The following CHLSN variants were observed in gnomAD, a reference collection of about 807,000 sequenced individuals.
CHLSN encodes protein cholesin.
chr7:1,086,775 G>A, the CHLSN span: 2 of 154,648 alleles, frequency 1.3e-5, no homozygotes, highest in Admixed American at 1.3e-4. Context: ...GCCCACGCAG[G>A]TCTCTGAACC....
At chr7:998,924 A>C in the CHLSN span, among the ~76,000 whole-genome samples, 11 of 152,200 alleles carry the variant, frequency 7.2e-5, no homozygotes, top group Non-Finnish European at 1.5e-4. Context: ...ATTTTGAGTT[A>C]ATTTTTGCAT....
At chr7:1,110,812 T>TA in the CHLSN span, among the ~76,000 whole-genome samples, 85 of 137,076 alleles carry the variant, frequency 6.2e-4, no homozygotes, top group East Asian at 1.7e-3. Flanking sequence ...TAGAAGTGGT[T>TA]AAAAAAAAAA....
chr7:1,041,136 G>GGA, the CHLSN span, among the ~76,000 whole-genome samples: 45,397 of 149,654 alleles, frequency 0.3, 7,586 homozygotes, highest in Middle Eastern at 0.4. Context: ...AGAGACTGCA[G>GGA]GAGGGAGGGA....
chr7:981,836 T>C, the CHLSN span, among the ~76,000 whole-genome samples: 1 of 152,150 alleles, frequency 6.6e-6, no homozygotes, highest in Non-Finnish European at 1.5e-5. Context: ...GAGACCAGCC[T>C]GAGCAACGTA....
the CHLSN span, chr7:1,057,973 G>T: frequency 1.3e-6 from 1 of 771,100 alleles, no homozygotes; most frequent in Non-Finnish European, 2.4e-6. Context: ...TTCGTGTGGG[G>T]TGGCGCGCTG....
the CHLSN span, among the ~76,000 whole-genome samples, chr7:1,111,315 C>T: frequency 5.9e-5 from 9 of 152,230 alleles, no homozygotes; most frequent in African/African-American, 2.2e-4. Flanking sequence ...AGGGAGGACA[C>T]AGGGTAGCAG....
At chr7:983,197 A>G in the CHLSN span, 27 of 1,475,332 alleles carry the variant, frequency 1.8e-5, no homozygotes, top group Non-Finnish European at 2.3e-5. Flanking sequence ...GTGGAGCCTC[A>G]CCAGCCACGT....
the CHLSN span, among the ~76,000 whole-genome samples, chr7:1,008,296 T>C: frequency 0.66 from 99,543 of 151,960 alleles, 32,874 homozygotes; most frequent in Middle Eastern, 0.76. Context: ...TCTGAAGCCC[T>C]CTCTGTCTAC....
the CHLSN span, chr7:1,093,180 G>A: frequency 3.6e-6 from 2 of 556,422 alleles, no homozygotes; most frequent in Non-Finnish European, 7.1e-6. Flanking sequence ...TGCCGCTGCA[G>A]GAAACATTTC....
the CHLSN span, among the ~76,000 whole-genome samples, chr7:1,131,454 C>G: frequency 6.6e-6 from 1 of 152,210 alleles, no homozygotes; most frequent in Non-Finnish European, 1.5e-5. Flanking sequence ...GGGTTCCCCC[C>G]ATCCCACTCG....
At chr7:989,491 G>C in the CHLSN span, 1 of 153,418 alleles carries the variant, frequency 6.5e-6, no homozygotes, top group African/African-American at 2.4e-5. Flanking sequence ...GGCAAAAATG[G>C]AAACACTGAC....
At chr7:1,022,077 C>T in the CHLSN span, among the ~76,000 whole-genome samples, 1 of 152,226 alleles carries the variant, frequency 6.6e-6, no homozygotes, top group Admixed American at 6.5e-5. Context: ...CTCGAGGCCC[C>T]CTGGACAGGG....
At chr7:991,584 G>A in the CHLSN span, among the ~76,000 whole-genome samples, 23 of 152,344 alleles carry the variant, frequency 1.5e-4, no homozygotes, top group Admixed American at 1.2e-3. Flanking sequence ...TCAGGCTGCC[G>A]GCCAGGTGCA....
At chr7:988,557 C>T in the CHLSN span, 272 of 1,597,930 alleles carry the variant, frequency 1.7e-4, 1 homozygote, top group Middle Eastern at 8.3e-4. Context: ...CTCCTGTGCT[C>T]CCCTGGGGAG....
the CHLSN span, among the ~76,000 whole-genome samples, chr7:1,077,451 G>C: frequency 6.6e-6 from 1 of 152,204 alleles, no homozygotes; most frequent in Non-Finnish European, 1.5e-5. Context: ...CACTGCACCT[G>C]GCCTCAGGTC....
the CHLSN span, among the ~76,000 whole-genome samples, chr7:1,011,941 G>A: frequency 6.6e-6 from 1 of 152,206 alleles, no homozygotes; most frequent in Non-Finnish European, 1.5e-5. Flanking sequence ...GGCCAGGCAC[G>A]CAGGGCTCTG....
the CHLSN span, among the ~76,000 whole-genome samples, chr7:1,072,134 A>G: frequency 5.6e-4 from 86 of 152,234 alleles, no homozygotes; most frequent in Non-Finnish European, 1.1e-3. Context: ...GCCTTCCGAT[A>G]CCCAGACCCT....
the CHLSN span, among the ~76,000 whole-genome samples, chr7:1,118,737 G>GAA: frequency 3.8e-5 from 5 of 131,080 alleles, no homozygotes; most frequent in Admixed American, 8.9e-5. Flanking sequence ...TGAGGAGGGA[G>GAA]AATCACTTGA....
chr7:1,048,431 C>T, the CHLSN span, among the ~76,000 whole-genome samples: 3 of 152,148 alleles, frequency 2.0e-5, no homozygotes, highest in East Asian at 3.9e-4. Context: ...ATGATGCTCT[C>T]TCTCTCTCAC....
Sources: allele counts gnomAD v4.1 joint callset (sites outside exome capture counted in the v4.1 genomes callset), GRCh38; gene constraint gnomAD v4.1.1; transcripts MANE v1.5; gene names NCBI Gene and HGNC (gene_info 2026-07-23, HGNC 2026-07-21).